TF: variants seen among roughly 807,000 people sequenced by gnomAD.
TF encodes the protein serotransferrin.
TF carries 55 observed loss-of-function variants against 82.4 expected under a neutral mutation model. The observed-to-expected ratio is 0.67, with a 90% confidence interval of 0.54 to 0.84. The LOEUF (loss-of-function observed/expected upper bound fraction) is 0.84, where lower values mean the gene tolerates loss of function less well. TF is among the 40% of genes least tolerant of loss of function. TF has a pLI of 0.00. For missense variants in TF, 737 were observed against 868.4 expected (o/e 0.85, Z 1.90); for synonymous variants, 332 against 332.6 (o/e 1.00, Z 0.02).
At chr3:133,773,155 C>CTT in intron 14 of TF, 1 of 144,624 alleles carries the variant, frequency 6.9e-6, no homozygotes, top group Non-Finnish European at 1.5e-5. Flanking sequence ...ACCACGTGGG[C>CTT]TTTTTTTTTT....
chr3:133,764,794 G>C, intron 10 of TF, 81 bp from the exon 11 acceptor site: 1 of 1,360,552 alleles, frequency 7.3e-7, no homozygotes. Flanking sequence ...TTTATTCTTA[G>C]CTGCAGCATA....
intron 12 of TF, among the ~76,000 whole-genome samples, chr3:133,766,827 T>A (rs8177281): frequency 0.012 from 1,775 of 152,244 alleles, 40 homozygotes; most frequent in African/African-American, 0.04. Context: ...GCATCCATGA[T>A]CCAGGCAGCC....
chr3:133,749,101 C>T (rs148600419), intron 2 of TF, among the ~76,000 whole-genome samples: 3,747 of 152,262 alleles, frequency 0.025, 156 homozygotes, highest in African/African-American at 0.086. Flanking sequence ...GCAGAGGTTG[C>T]AGTGAGCCAA....
At chr3:133,713,316 C>T in the TF span, among the ~76,000 whole-genome samples, 31 of 152,174 alleles carry the variant, frequency 2.0e-4, no homozygotes, top group Non-Finnish European at 4.1e-4. Flanking sequence ...GGTTGTTGGG[C>T]TCTCAATGCA....
upstream of TF, chr3:133,746,005 C>T (rs373789478): frequency 9.2e-5 from 26 of 281,862 alleles, no homozygotes; most frequent in African/African-American, 5.3e-4. Context: ...GGGCGCAGTT[C>T]TTTTCCCTCT....
In TF at chr3:133,753,696, A is replaced by C. The variant is rs1335968870; in HGVS notation, c.318A>C (p.Ser106=). ...CTGTGGTGGCAGAGTTCTATGGGTCAAAAGAGGGTAAGTTCTCCCTGGGAC... is the reference window on the plus strand; with the variant it reads ...CTGTGGTGGCAGAGTTCTATGGGTCCAAAGAGGGTAAGTTCTCCCTGGGAC... ...LKPVVAEFYG[S]KEDPQTFYYA... is the part of the protein sequence containing the mutation. Residue 106 remains serine (S), a synonymous_variant, in exon 3 of 17, where the codon TCA becomes TCC. Transcript: ENST00000402696. 1 of 1,613,458 alleles carries C rather than the reference A, an allele frequency of 6.2e-7. No individual in the cohort carries two copies. The highest frequency in any genetic ancestry group is 1.3e-5 in the African/African-American group (1 of 74,916).
At chr3:133,742,994 T>C (rs1933422355), upstream of TF, among the ~76,000 whole-genome samples, 1 of 151,832 alleles carries the variant, frequency 6.6e-6, no homozygotes, top group African/African-American at 2.4e-5. Context: ...CCTCTATCAA[T>C]CTCTTTCTCT....
the TF span, among the ~76,000 whole-genome samples, chr3:133,677,403 C>T: frequency 1.1e-4 from 16 of 152,284 alleles, no homozygotes; most frequent in East Asian, 3.1e-3. Context: ...CTTTGGGAAG[C>T]CGAGGTGGGT....
chr3:133,756,732 C>T (rs1933845085), intron 6 of TF, 99 bp from the exon 7 acceptor site: 4 of 1,479,774 alleles, frequency 2.7e-6, no homozygotes, highest in African/African-American at 1.4e-5. Context: ...CACTCCAGAC[C>T]TCTCAGCTCA....
the TF span, among the ~76,000 whole-genome samples, chr3:133,665,349 C>T: frequency 6.6e-6 from 1 of 151,630 alleles, no homozygotes; most frequent in African/African-American, 2.4e-5. Flanking sequence ...CATCTGTAGT[C>T]TCAGCTACTC....
At chr3:133,727,851 T>C in the TF span, among the ~76,000 whole-genome samples, 1 of 120,986 alleles carries the variant, frequency 8.3e-6, no homozygotes, top group African/African-American at 3.0e-5. Context: ...GGCAGGCCTG[T>C]GGTGACAAAA....
chr3:133,784,742 G>A lies in TF; in HGVS notation c.*6122G>A, dbSNP rs1180656362. On this transcript the variant is annotated 3_prime_UTR_variant, in exon 17 of 17. Coordinates refer to ENST00000402696, the MANE Select transcript of TF (RefSeq NM_001063.4). ...ACCTTCCATGGAAAAATTGCCTTCC[G>A]TGAAACCATTCCCTGGTGCCAAAGA... is the stretch of plus-strand genomic sequence containing the variant. 1.3e-5 allele frequency: 2 copies of A among 152,224 alleles called. No individual in the cohort carries two copies. The highest frequency in any genetic ancestry group is 1.9e-4 in the East Asian group (1 of 5,170). The allele number at this position is 152,224 out of a possible 1,614,324, so 9.4% of individuals were successfully genotyped here.
chr3:133,674,040 A>T, the TF span, among the ~76,000 whole-genome samples: 1 of 152,048 alleles, frequency 6.6e-6, no homozygotes, highest in Non-Finnish European at 1.5e-5. Flanking sequence ...GGAGTGGTCC[A>T]TTCTCTCGAT....
chr3:133,753,490 C>A (rs933330793), intron 2 of TF, 105 bp from the exon 3 acceptor site: 3 of 977,702 alleles, frequency 3.1e-6, no homozygotes, highest in Non-Finnish European at 4.9e-6. Context: ...CAAGTTCTGG[C>A]CCTGGGTCCG....
At chr3:133,674,940 A>G in the TF span, among the ~76,000 whole-genome samples, 1 of 152,052 alleles carries the variant, frequency 6.6e-6, no homozygotes, top group Non-Finnish European at 1.5e-5. Context: ...TGCTTTTCAC[A>G]TCTTTAAATG....
At chr3:133,723,653 T>C in the TF span, among the ~76,000 whole-genome samples, 35 of 71,554 alleles carry the variant, frequency 4.9e-4, no homozygotes, top group South Asian at 9.3e-3. Context: ...ATTATTATTA[T>C]TATTATTATT....
At chr3:133,763,612 C>T (rs1934049854) in intron 9 of TF, among the ~76,000 whole-genome samples, 1 of 152,182 alleles carries the variant, frequency 6.6e-6, no homozygotes, top group Non-Finnish European at 1.5e-5. Flanking sequence ...ATTGCCAGGC[C>T]AAAGGGAAAT....
At position 133,766,144 on chromosome 3, in the gene TF, A is replaced by T. The variant is rs8177330; in HGVS notation, c.1331-134A>T. 7,322 of 886,226 alleles carry T rather than the reference A, an allele frequency of 8.3e-3. 49 individuals are homozygous for T. Among genetic ancestry groups the T allele is most frequent in the Non-Finnish European group, 0.011 (5,671 of 524,044 alleles). 54.9% of individuals were successfully genotyped at this position (886,226 alleles called of 1,614,324 possible). On this transcript the variant is annotated intron_variant, in intron 11 of 16. Coordinates refer to ENST00000402696, the MANE Select transcript of TF (RefSeq NM_001063.4). The stretch of plus-strand genomic sequence containing the variant: ...GTTCCTTGTACTTCCCCTCAGTCAG[A>T]TACTGGGAAGATCCTCTCAAGACAC...
At position 133,754,544 on chromosome 3, in the gene TF, C is replaced by T; in HGVS notation, c.375C>T (p.Gly125=). 1 of 1,614,238 alleles carries T rather than the reference C, an allele frequency of 6.2e-7. No individual in the cohort carries two copies. The highest frequency in any genetic ancestry group is 8.5e-7 in the Non-Finnish European group (1 of 1,180,040). The change falls in exon 4 of 17, where the codon GGC becomes GGT. Residue 125 remains glycine, a synonymous_variant. Coordinates refer to ENST00000402696, the MANE Select transcript of TF (RefSeq NM_001063.4). ...YAVAVVKKDS[G]FQMNQLRGKK... is the part of the protein sequence containing the mutation. ...TTGCTGTGGTGAAGAAGGATAGTGG[C>T]TTCCAGATGAACCAGCTTCGAGGCA...
Sources: gnomAD v4.1 joint callset for allele counts (sites outside exome capture counted in the v4.1 genomes callset) on GRCh38, gnomAD v4.1.1 for gene constraint, MANE v1.5 for transcripts, NCBI Gene and HGNC (gene_info 2026-07-23, HGNC 2026-07-21) for gene names.